Variants in FAF1 observed in about 807,000 individuals in gnomAD.
FAF1 encodes the protein Fas associated factor 1, also known as FAS-associated factor 1.
In FAF1, 25 loss-of-function variants were observed where a neutral mutation model predicts 92.5. The observed-to-expected ratio is 0.27, with a 90% CI of 0.20 to 0.38. The LOEUF is 0.38. Ranked by LOEUF, FAF1 falls within the 10% of genes least tolerant of loss-of-function variation. FAF1 has a pLI of 1.00. For synonymous variants in FAF1, 234 were observed against 273.2 expected (o/e 0.86, Z 1.42); for missense variants, 636 against 793.3 (o/e 0.80, Z 2.38).
chr1:50,626,328 C>A (rs906411518), intron 8 of FAF1, among the ~76,000 whole-genome samples: 1 of 151,978 alleles, frequency 6.6e-6, no homozygotes, highest in Admixed American at 6.6e-5. Flanking sequence ...CAGACATATG[C>A]CCTTGTGGAA....
At chr1:50,906,257 T>G (rs1021346092) in intron 1 of FAF1, among the ~76,000 whole-genome samples, 1 of 152,246 alleles carries the variant, frequency 6.6e-6, no homozygotes, top group African/African-American at 2.4e-5. Context: ...TTGGTACCAG[T>G]ACCATGCTGT....
At chr1:50,609,937 C>G (rs952873543) in intron 8 of FAF1, among the ~76,000 whole-genome samples, 16 of 152,122 alleles carry the variant, frequency 1.1e-4, no homozygotes, top group African/African-American at 3.6e-4. Context: ...GCTTCTATAG[C>G]CAGGAAATTT....
chr1:50,506,269 C>T (rs1647056984), intron 15 of FAF1, among the ~76,000 whole-genome samples: 1 of 152,138 alleles, frequency 6.6e-6, no homozygotes, highest in Non-Finnish European at 1.5e-5. Flanking sequence ...CTAATGAACA[C>T]CTAATCTTAA....
At chr1:50,490,491 AAAGG>A (rs57779128) in intron 17 of FAF1, 93 bp downstream of exon 17, 285,328 of 557,388 alleles carry the variant, frequency 0.51, 92,713 homozygotes, top group East Asian at 0.72. Flanking sequence ...GGAAGGAAGG[AAAGG>A]AAGGAAGGAA....
intron 1 of FAF1, among the ~76,000 whole-genome samples, chr1:50,958,560 C>G (rs1279814953): frequency 6.6e-6 from 1 of 151,940 alleles, no homozygotes; most frequent in Non-Finnish European, 1.5e-5. Context: ...CGCCTGTAGT[C>G]CCAGCTACTC....
chr1:50,866,602 C>CA (rs1279719839), intron 1 of FAF1, among the ~76,000 whole-genome samples: 1 of 151,226 alleles, frequency 6.6e-6, no homozygotes, highest in Non-Finnish European at 1.5e-5. Context: ...AGCTGCAAAA[C>CA]AAAAAACAAA....
chr1:50,731,405 C>G (rs913793319), intron 6 of FAF1, among the ~76,000 whole-genome samples: 2 of 145,764 alleles, frequency 1.4e-5, no homozygotes. Context: ...GAGTCTCACT[C>G]TGTCCCCGGG....
intron 2 of FAF1, among the ~76,000 whole-genome samples, chr1:50,808,473 A>G (rs1037652970): frequency 2.0e-4 from 30 of 152,234 alleles, no homozygotes; most frequent in Non-Finnish European, 1.2e-4. Context: ...CAAGTTGGAT[A>G]AGGAAGCAAG....
intron 15 of FAF1, among the ~76,000 whole-genome samples, chr1:50,513,305 C>A (rs1399750499): frequency 6.6e-6 from 1 of 152,152 alleles, no homozygotes; most frequent in African/African-American, 2.4e-5. Context: ...GATGGAGAAA[C>A]CCTGTCTCTA....
intron 15 of FAF1, among the ~76,000 whole-genome samples, chr1:50,523,602 T>C (rs549138952): frequency 1.3e-5 from 2 of 152,216 alleles, no homozygotes; most frequent in Non-Finnish European, 2.9e-5. Context: ...GATTTTTTAA[T>C]TGAATTGTTT....
Position 50,683,973 on chromosome 1 carries a change from A to C in FAF1, c.657+21813T>G, listed in dbSNP as rs977164659. Among the ~76,000 whole-genome samples, 11 of 152,048 alleles carry C rather than the reference A, an allele frequency of 7.2e-5. No individual in the cohort carries two copies. The South Asian group carries it at 1.9e-3, about 26-fold the overall frequency. On this transcript the variant is annotated intron_variant, in intron 7 of 18. Transcript: ENST00000396153. ...TAATATTTTAAGGCCTCAAGACATT[A>C]CATTTTTTATTTGTTGGTATTATAG...
chr1:50,724,298 C>CACACACACACACAT (rs1374430271), intron 6 of FAF1, among the ~76,000 whole-genome samples: 77 of 124,134 alleles, frequency 6.2e-4, no homozygotes, highest in African/African-American at 2.2e-3. Context: ...CACACACATA[C>CACACACACACACAT]ACACACACAC....
At chr1:50,758,375 C>T (rs1660167051) in intron 4 of FAF1, among the ~76,000 whole-genome samples, 1 of 152,212 alleles carries the variant, frequency 6.6e-6, no homozygotes, top group South Asian at 2.1e-4. Flanking sequence ...TTTAACTCAA[C>T]AAAGACTACC....
At chr1:50,507,205 T>C (rs1482830236) in intron 15 of FAF1, among the ~76,000 whole-genome samples, 1 of 152,182 alleles carries the variant, frequency 6.6e-6, no homozygotes, top group Non-Finnish European at 1.5e-5. Context: ...ACTGACCTCC[T>C]GAGTCACTAA....
At chr1:50,501,402 C>T (rs920410842) in intron 15 of FAF1, among the ~76,000 whole-genome samples, 2 of 152,162 alleles carry the variant, frequency 1.3e-5, no homozygotes, top group East Asian at 1.9e-4. Flanking sequence ...CAGTGGCTCA[C>T]GCCTGTAATC....
At chr1:50,716,370 G>T (rs1437844365) in intron 6 of FAF1, among the ~76,000 whole-genome samples, 1 of 152,082 alleles carries the variant, frequency 6.6e-6, no homozygotes, top group Non-Finnish European at 1.5e-5. Flanking sequence ...ATAGTACTAG[G>T]GGAAGCACTC....
chr1:50,901,080 ATATT>A (rs1644792776), intron 1 of FAF1, among the ~76,000 whole-genome samples: 2 of 152,202 alleles, frequency 1.3e-5, no homozygotes. Flanking sequence ...AATGTATTAT[ATATT>A]TATCTACTTG....
chr1:50,825,661 C>G (rs1644090000), intron 2 of FAF1, among the ~76,000 whole-genome samples: 1 of 151,278 alleles, frequency 6.6e-6, no homozygotes, highest in South Asian at 2.1e-4. Flanking sequence ...TACCTGAACA[C>G]AAAAAAAACC....
intron 6 of FAF1, among the ~76,000 whole-genome samples, chr1:50,716,282 T>C (rs1658167869): frequency 6.6e-6 from 1 of 152,150 alleles, no homozygotes; most frequent in Non-Finnish European, 1.5e-5. Flanking sequence ...ATTCCTTGAA[T>C]CCAGAACTCC....
Sources: gnomAD v4.1 joint callset for allele counts (sites outside exome capture counted in the v4.1 genomes callset) on GRCh38, gnomAD v4.1.1 for gene constraint, MANE v1.5 for transcripts, NCBI Gene and HGNC (gene_info 2026-07-23, HGNC 2026-07-21) for gene names.